The following SMU1 variants were observed in gnomAD, a reference collection of about 807,000 sequenced individuals.
SMU1 encodes the protein WD40 repeat-containing protein SMU1.
SMU1 carries 2 observed loss-of-function variants against 62.0 expected under a neutral mutation model. The ratio of observed to expected loss-of-function variants is 0.03; its 90% CI spans 0.01 to 0.10. The LOEUF is 0.10. Among genes scored for constraint, SMU1 ranks in the 10% least tolerant of loss-of-function variants. SMU1 has a pLI of 1.00. For synonymous variants in SMU1, 188 were observed against 212.4 expected, an observed-to-expected ratio of 0.89 and a Z score of 1.00; for missense variants, 227 against 622.1, an observed-to-expected ratio of 0.36 and a Z score of 6.76.
Position 33,056,172 on chromosome 9 carries a change from C to T in SMU1, c.1063G>A (p.Ala355Thr), listed in dbSNP as rs1387703323. The T allele has an allele frequency of 2.5e-6, 4 of 1,613,394 alleles. No homozygotes were observed. Reference sequence around the variant, plus strand: ...TAATGTCCATCTTGTGTAAATGTTGCTTCGTTAACAAAGGAGGAATGGCCA... The same window carrying T: ...TAATGTCCATCTTGTGTAAATGTTGTTTCGTTAACAAAGGAGGAATGGCCA... ...FRGHSSFVNE[A>T]TFTQDGHYII... Residue 355 changes from alanine (A) to threonine (T), a missense_variant, in exon 9 of 12, where the codon GCA (alanine) becomes ACA (threonine). Ala to Thr is a moderately conservative substitution (Grantham distance 58, BLOSUM62 0). Coordinates refer to ENST00000397149, the MANE Select transcript of SMU1 (RefSeq NM_018225.3).
intron 1 of SMU1, 76 bp from the exon 2 acceptor site, chr9:33,073,882 C>G: frequency 7.7e-7 from 1 of 1,291,414 alleles, no homozygotes; most frequent in Non-Finnish European, 1.1e-6. Flanking sequence ...CAAGCTCCTA[C>G]TCAATCATCT....
At chr9:33,051,051 G>C (rs1839241462) in intron 10 of SMU1, among the ~76,000 whole-genome samples, 5 of 96,832 alleles carry the variant, frequency 5.2e-5, no homozygotes, top group East Asian at 2.4e-4. Context: ...AACCCAGGAG[G>C]CGGAGCTTGC....
chr9:33,075,258 T>C (rs920918644), intron 1 of SMU1, among the ~76,000 whole-genome samples: 2 of 151,966 alleles, frequency 1.3e-5, no homozygotes, highest in Admixed American at 6.6e-5. Flanking sequence ...GCGCCTGTAG[T>C]CCCAGCTACT....
At chr9:33,065,278 T>C (rs1362088603) in intron 4 of SMU1, among the ~76,000 whole-genome samples, 1 of 152,064 alleles carries the variant, frequency 6.6e-6, no homozygotes, top group Non-Finnish European at 1.5e-5. Flanking sequence ...CCCCAACAAA[T>C]CTGTCCTTCT....
At chr9:33,073,867 C>T in intron 1 of SMU1, 61 bp from the exon 2 acceptor site, 1 of 1,450,936 alleles carries the variant, frequency 6.9e-7, no homozygotes, top group South Asian at 1.2e-5. Context: ...AAAAATAAAG[C>T]CTATCAAGCT....
chr9:33,056,811 A>T, intron 8 of SMU1, 26 bp downstream of exon 8: 1 of 1,607,908 alleles, frequency 6.2e-7, no homozygotes, highest in East Asian at 2.2e-5. Flanking sequence ...AACTCAAGTG[A>T]GAGCAGTTTT....
intron 4 of SMU1, among the ~76,000 whole-genome samples, chr9:33,067,550 G>A (rs1169748973): frequency 2.7e-5 from 4 of 147,654 alleles, no homozygotes; most frequent in Non-Finnish European, 5.9e-5. Context: ...CCAGGCTGGA[G>A]TGCAATGGCT....
rs1839194160 is a variant in SMU1, at chr9:33,047,113, A to AT, written c.*179_*180insA. 1 of 518,260 alleles carries AT rather than the reference A, an allele frequency of 1.9e-6. No individual in the cohort carries two copies. 32.1% of individuals were successfully genotyped at this position (518,260 alleles called of 1,614,324 possible). ...GAAGAAGATAAACTAATACCTTAAA[A>AT]ATATATAAAAAAAGAAAGGGTAGTT... On this transcript the variant is annotated 3_prime_UTR_variant, in exon 12 of 12. Transcript: ENST00000397149.
intron 2 of SMU1, 136 bp from the exon 3 acceptor site, chr9:33,072,028 T>C: frequency 1.1e-6 from 1 of 874,822 alleles, no homozygotes; most frequent in Non-Finnish European, 1.6e-6. Context: ...CCTTTCCATT[T>C]TCACTAGCAA....
At chr9:33,075,737 G>T (rs189291048) in intron 1 of SMU1, among the ~76,000 whole-genome samples, 2,485 of 151,688 alleles carry the variant, frequency 0.016, 42 homozygotes, top group Middle Eastern at 0.044. Context: ...TTCCTCCTAT[G>T]AAAAGTCTCC....
chr9:33,062,713 T>C (rs769594996), intron 4 of SMU1, among the ~76,000 whole-genome samples: 5 of 152,220 alleles, frequency 3.3e-5, no homozygotes, highest in African/African-American at 4.8e-5. Context: ...AGTGGACATT[T>C]ACACTGCTTC....
chr9:33,061,954 C>G, intron 5 of SMU1, 95 bp downstream of exon 5: 2 of 1,344,014 alleles, frequency 1.5e-6, no homozygotes, highest in East Asian at 2.4e-5. Context: ...AGTTCTCCCC[C>G]TCAATTATCC....
chr9:33,043,639 AG>A lies in SMU1; in HGVS notation c.*3653del, dbSNP rs1839149549. On this transcript the variant is annotated 3_prime_UTR_variant, in exon 12 of 12. Transcript: ENST00000397149. Reference sequence around the variant, plus strand: ...AGGTGAATGTGTTTGCAGCATGTGGAGGAACAATCCATGTATTCTTTGTCCC... The same window carrying A: ...AGGTGAATGTGTTTGCAGCATGTGGAGAACAATCCATGTATTCTTTGTCCC... 2 of 152,218 alleles carry A rather than the reference AG, an allele frequency of 1.3e-5. No individual in the cohort carries two copies. Among genetic ancestry groups the A allele is most frequent in the Admixed American group, 1.3e-4 (2 of 15,280 alleles). The allele number at this position is 152,218 out of a possible 1,614,324, so 9.4% of individuals were successfully genotyped here.
chr9:33,058,964 TA>T (rs367837326), intron 6 of SMU1, among the ~76,000 whole-genome samples: 34 of 152,182 alleles, frequency 2.2e-4, no homozygotes, highest in African/African-American at 7.0e-4. Flanking sequence ...GGGCAAAAGA[TA>T]TTAACAGACT....
intron 9 of SMU1, 140 bp from the exon 10 acceptor site, chr9:33,053,430 C>T (rs914437468): frequency 3.7e-6 from 3 of 802,942 alleles, no homozygotes; most frequent in African/African-American, 3.5e-5. Context: ...ATTTTAGGTC[C>T]AATCAAATAC....
At chr9:33,073,887 T>C in intron 1 of SMU1, 81 bp from the exon 2 acceptor site, 1 of 1,258,086 alleles carries the variant, frequency 7.9e-7, no homozygotes. Flanking sequence ...TCCTACTCAA[T>C]CATCTTCCTT....
chr9:33,076,098 A>G (rs944197612), intron 1 of SMU1, among the ~76,000 whole-genome samples: 2 of 152,180 alleles, frequency 1.3e-5, no homozygotes, highest in African/African-American at 4.8e-5. Flanking sequence ...GCACCGACAA[A>G]GGCTAGTTTG....
chr9:33,052,264 T>C (rs1413417449), intron 10 of SMU1, among the ~76,000 whole-genome samples: 1 of 144,214 alleles, frequency 6.9e-6, no homozygotes, highest in Non-Finnish European at 1.6e-5. Flanking sequence ...TTGGAGGAAT[T>C]TGAAGAGCGA....
chr9:33,051,669 T>C (rs1351152028), intron 10 of SMU1, among the ~76,000 whole-genome samples: 1 of 152,058 alleles, frequency 6.6e-6, no homozygotes, highest in Non-Finnish European at 1.5e-5. Flanking sequence ...ATTATGACAA[T>C]GGAAAACTGA....
Sources: allele counts gnomAD v4.1 joint callset (sites outside exome capture counted in the v4.1 genomes callset), GRCh38; gene constraint gnomAD v4.1.1; transcripts MANE v1.5; gene names NCBI Gene and HGNC (gene_info 2026-07-23, HGNC 2026-07-21).